The following KIF16B variants were observed in gnomAD, a reference collection of about 807,000 sequenced individuals.
The protein encoded by KIF16B is kinesin-like protein KIF16B.
A neutral mutation model predicts 156.3 loss-of-function variants in KIF16B; 98 were observed. That is an observed-to-expected ratio of 0.63 (90% CI 0.53 to 0.74). The LOEUF is 0.74. KIF16B is among the 30% of genes least tolerant of loss of function. KIF16B has a pLI of 0.00. For missense variants in KIF16B, 1,421 were observed against 1,606.5 expected (o/e 0.88, Z 1.97); for synonymous variants, 564 against 583.7 (o/e 0.97, Z 0.49).
chr20:16,457,949 G>A (rs2067253258), intron 12 of KIF16B, among the ~76,000 whole-genome samples: 1 of 152,078 alleles, frequency 6.6e-6, no homozygotes, highest in South Asian at 2.1e-4. Context: ...AGTAAAGCAT[G>A]AGTGAGAGGA....
At chr20:16,534,406 T>C (rs762318296) in intron 1 of KIF16B, among the ~76,000 whole-genome samples, 5 of 152,232 alleles carry the variant, frequency 3.3e-5, no homozygotes, top group Non-Finnish European at 5.9e-5. Context: ...GTTCCTTGTA[T>C]ATTCTGGATA....
intron 12 of KIF16B, among the ~76,000 whole-genome samples, chr20:16,462,205 C>T (rs1412220813): frequency 1.3e-5 from 2 of 151,852 alleles, no homozygotes; most frequent in Non-Finnish European, 2.9e-5. Flanking sequence ...TGTGCCATTG[C>T]ACTCCAGCCT....
chr20:16,414,305 T>G (rs2066032641), intron 15 of KIF16B, among the ~76,000 whole-genome samples: 1 of 152,124 alleles, frequency 6.6e-6, no homozygotes, highest in Non-Finnish European at 1.5e-5. Context: ...TGTTAATGGC[T>G]GGCTTGCGAA....
At chr20:16,495,564 T>C (rs1279626730) in intron 11 of KIF16B, among the ~76,000 whole-genome samples, 2 of 152,290 alleles carry the variant, frequency 1.3e-5, no homozygotes, top group African/African-American at 4.8e-5. Flanking sequence ...TTAAAGAAAA[T>C]AATAATGTTG....
At chr20:16,508,690 C>A (rs966224177) in intron 6 of KIF16B, among the ~76,000 whole-genome samples, 3 of 152,120 alleles carry the variant, frequency 2.0e-5, no homozygotes, top group Admixed American at 6.5e-5. Flanking sequence ...TCCTAACAGG[C>A]CATGGACCAG....
chr20:16,464,142 A>C (rs757679660), intron 12 of KIF16B, among the ~76,000 whole-genome samples: 4 of 152,188 alleles, frequency 2.6e-5, no homozygotes, highest in Non-Finnish European at 5.9e-5. Context: ...TGTTGCTCTG[A>C]AAAAATGTGT....
chr20:16,304,406 G>T (rs2063513249), intron 25 of KIF16B, among the ~76,000 whole-genome samples: 1 of 152,142 alleles, frequency 6.6e-6, no homozygotes, highest in Admixed American at 6.6e-5. Context: ...GACTCCAAGA[G>T]CCACCAACAT....
Position 16,366,237 on chromosome 20 carries a change from G to T in KIF16B, c.3498+4349C>A, listed in dbSNP as rs115373058. Among the ~76,000 whole-genome samples the T allele has an allele frequency of 3.9e-3, 589 of 152,172 alleles. 2 individuals carry two copies. The highest frequency in any genetic ancestry group is 0.013 in the African/African-American group (557 of 41,528). ...AGCAGGGAACTCGCCTGAGAAGGGA[G>T]GCCAGCAAACTGACCAGCTGGGGCC... On this transcript the variant is annotated intron_variant, in intron 22 of 25. Transcript: ENST00000354981.
At chr20:16,329,494 A>G (rs1465883954) in intron 24 of KIF16B, among the ~76,000 whole-genome samples, 1 of 152,236 alleles carries the variant, frequency 6.6e-6, no homozygotes, top group Middle Eastern at 3.2e-3. Context: ...TTCGCATGAT[A>G]AAATTTCAAA....
intron 1 of KIF16B, among the ~76,000 whole-genome samples, chr20:16,546,988 G>A (rs1281815767): frequency 6.6e-6 from 1 of 152,108 alleles, no homozygotes; most frequent in Non-Finnish European, 1.5e-5. Flanking sequence ...TTTTGCCCAG[G>A]CTGGTCTCGA....
intron 11 of KIF16B, among the ~76,000 whole-genome samples, chr20:16,495,015 G>A (rs2068409634): frequency 6.6e-6 from 1 of 152,156 alleles, no homozygotes; most frequent in Non-Finnish European, 1.5e-5. Context: ...TAATGGTAAT[G>A]TTTTGTTAGT....
chr20:16,411,935 T>TGG (rs2065967387), intron 15 of KIF16B, among the ~76,000 whole-genome samples: 1 of 115,534 alleles, frequency 8.7e-6, no homozygotes, highest in African/African-American at 2.7e-5. Context: ...TCAACGTGTG[T>TGG]GTGTGTGTGT....
At chr20:16,277,480 A>T (rs956303857) in intron 25 of KIF16B, among the ~76,000 whole-genome samples, 7 of 132,118 alleles carry the variant, frequency 5.3e-5, no homozygotes, top group East Asian at 2.4e-4. Flanking sequence ...TATATATATA[A>T]AATATTTAAA....
chr20:16,511,525 T>A lies in KIF16B; in HGVS notation c.449A>T (p.Tyr150Phe), dbSNP rs2068955846. The part of the protein sequence containing the change: ...DEASFRTEVS[Y>F]LEIYNERVRD... ...CACACGTTCGTTATAAATTTCTAAG[T>A]AGCTAAAAATTTAAAATAAAATTGA... Residue 150 changes from tyrosine (Y) to phenylalanine (F), a missense_variant and splice_region_variant, in exon 6 of 26, where the codon TAC becomes TTC. Physicochemically the swap from Tyr to Phe is conservative, Grantham distance 22. Transcript: ENST00000354981. The A allele has an allele frequency of 1.3e-6, 2 of 1,580,090 alleles. No homozygotes were observed. The highest frequency in any genetic ancestry group is 8.7e-7 in the Non-Finnish European group (1 of 1,154,938).
chr20:16,470,438 G>C (rs906630829), intron 12 of KIF16B, among the ~76,000 whole-genome samples: 6 of 151,958 alleles, frequency 3.9e-5, no homozygotes, highest in African/African-American at 1.4e-4. Flanking sequence ...ATATGGGCCA[G>C]GAAGTATATG....
intron 12 of KIF16B, among the ~76,000 whole-genome samples, chr20:16,471,410 CA>C (rs1248087268): frequency 6.6e-6 from 1 of 152,144 alleles, no homozygotes; most frequent in Non-Finnish European, 1.5e-5. Flanking sequence ...CCTTGACCAG[CA>C]TATTATAAGT....
At chr20:16,491,421 C>T (rs2068287599) in intron 12 of KIF16B, among the ~76,000 whole-genome samples, 1 of 152,176 alleles carries the variant, frequency 6.6e-6, no homozygotes, top group African/African-American at 2.4e-5. Flanking sequence ...AGAGTGGAGA[C>T]ATAGAGTACA....
intron 15 of KIF16B, among the ~76,000 whole-genome samples, chr20:16,409,520 G>C (rs1400421446): frequency 6.6e-6 from 1 of 152,016 alleles, no homozygotes; most frequent in Admixed American, 6.6e-5. Context: ...TTCTTGCAAT[G>C]GTGACTGAAG....
At chr20:16,544,100 A>C (rs1407409925) in intron 1 of KIF16B, among the ~76,000 whole-genome samples, 1 of 152,166 alleles carries the variant, frequency 6.6e-6, no homozygotes, top group Non-Finnish European at 1.5e-5. Flanking sequence ...CATCAAATGC[A>C]TCAGGCACTG....
Sources: allele counts gnomAD v4.1 joint callset (sites outside exome capture counted in the v4.1 genomes callset), GRCh38; gene constraint gnomAD v4.1.1; transcripts MANE v1.5; gene names NCBI Gene and HGNC (gene_info 2026-07-23, HGNC 2026-07-21).